The following TEX9 variants were observed in gnomAD, a reference collection of about 807,000 sequenced individuals.
TEX9 encodes testis-expressed protein 9.
A neutral mutation model predicts 59.6 loss-of-function variants in TEX9; 74 were observed. The ratio of observed to expected loss-of-function variants is 1.24; its 90% CI spans 1.03 to 1.51. The LOEUF (loss-of-function observed/expected upper bound fraction) is 1.51. TEX9 is among the 40% of genes most tolerant of loss of function. TEX9 has a pLI of 0.00. For synonymous variants in TEX9, 186 were observed against 152.2 expected, an observed-to-expected ratio of 1.22 and a Z score of -1.64; for missense variants, 522 against 447.8, an observed-to-expected ratio of 1.17 and a Z score of -1.49.
At chr15:56,393,702 G>T (rs1202541461) in intron 7 of TEX9, 1 of 152,994 alleles carries the variant, frequency 6.5e-6, no homozygotes. Flanking sequence ...AGACAGTAAG[G>T]TATTAGTGTA....
At chr15:56,404,754 T>G (rs924475697) in intron 9 of TEX9, among the ~76,000 whole-genome samples, 1 of 152,200 alleles carries the variant, frequency 6.6e-6, no homozygotes, top group African/African-American at 2.4e-5. Context: ...AATGATAGAC[T>G]GGATTAAGAA....
chr15:56,380,156 G>C (rs2047658858), intron 3 of TEX9, among the ~76,000 whole-genome samples: 1 of 151,964 alleles, frequency 6.6e-6, no homozygotes, highest in African/African-American at 2.4e-5. Flanking sequence ...TTAATTTCCT[G>C]ATTTTTATTT....
intron 1 of TEX9, among the ~76,000 whole-genome samples, chr15:56,311,125 C>CT (rs1313775992): frequency 1.0e-3 from 57 of 56,706 alleles, no homozygotes; most frequent in African/African-American, 2.7e-3. Context: ...CTCCTTATTT[C>CT]TTTTTTTTTT....
At chr15:56,439,751 TAA>T (rs374476223) in intron 12 of TEX9, among the ~76,000 whole-genome samples, 32 of 82,536 alleles carry the variant, frequency 3.9e-4, no homozygotes, top group African/African-American at 1.3e-3. Flanking sequence ...TGGAAAAGCA[TAA>T]AAAAAAAAAA....
At chr15:56,407,221 T>A (rs1412314042) in intron 9 of TEX9, among the ~76,000 whole-genome samples, 1 of 152,138 alleles carries the variant, frequency 6.6e-6, no homozygotes, top group Non-Finnish European at 1.5e-5. Context: ...TTGCTTACCA[T>A]GGCACCAGTG....
intron 1 of TEX9, among the ~76,000 whole-genome samples, chr15:56,350,465 T>C (rs2046555949): frequency 6.6e-6 from 1 of 152,172 alleles, no homozygotes; most frequent in Non-Finnish European, 1.5e-5. Flanking sequence ...TTGTGTTGAG[T>C]AGGCACTAGT....
intron 10 of TEX9, among the ~76,000 whole-genome samples, chr15:56,415,542 G>A (rs1330852906): frequency 2.6e-5 from 4 of 151,894 alleles, no homozygotes; most frequent in African/African-American, 7.3e-5. Context: ...GGTTGTAGAT[G>A]TGCGGCCTTA....
chr15:56,260,953 T>A (rs1160724127), intron 1 of TEX9, among the ~76,000 whole-genome samples: 1 of 152,038 alleles, frequency 6.6e-6, no homozygotes, highest in African/African-American at 2.4e-5. Flanking sequence ...TTTTCTTTTA[T>A]CAGTTTAGAT....
chr15:56,340,074 C>T (rs751265386), intron 1 of TEX9, among the ~76,000 whole-genome samples: 1 of 152,094 alleles, frequency 6.6e-6, no homozygotes, highest in Non-Finnish European at 1.5e-5. Flanking sequence ...GTATCATTGA[C>T]GTCTTCAAGT....
chr15:56,261,024 T>G (rs1189185141), intron 1 of TEX9, among the ~76,000 whole-genome samples: 1 of 151,936 alleles, frequency 6.6e-6, no homozygotes, highest in Non-Finnish European at 1.5e-5. Flanking sequence ...TATATAAAAT[T>G]ATTCAAAATA....
At chr15:56,451,887 T>C in the TEX9 span, among the ~76,000 whole-genome samples, 5 of 152,350 alleles carry the variant, frequency 3.3e-5, no homozygotes, top group South Asian at 1.0e-3. Context: ...GATTTTTTTT[T>C]ATTACTTACG....
At chr15:56,275,372 A>G (rs773430464) in intron 1 of TEX9, among the ~76,000 whole-genome samples, 2 of 152,192 alleles carry the variant, frequency 1.3e-5, no homozygotes, top group Non-Finnish European at 2.9e-5. Flanking sequence ...TCTAAGGCTC[A>G]TCTTCATTGG....
chr15:56,306,280 G>GAAAAAAAAAAAAAAA (rs2045484308), intron 1 of TEX9, among the ~76,000 whole-genome samples: 4 of 72,012 alleles, frequency 5.6e-5, no homozygotes, highest in Non-Finnish European at 9.7e-5. Flanking sequence ...AAAAAAAAAG[G>GAAAAAAAAAAAAAAA]AAATCAGTGT....
At chr15:56,391,324 A>G (rs1456485439) in exon 7 of TEX9, 1 of 1,606,300 alleles carries the variant, frequency 6.2e-7, no homozygotes, top group South Asian at 1.1e-5. Flanking sequence ...CCCTTGCAAA[A>G]ACAATTAGCA....
chr15:56,358,335 A>G (rs1193563877), intron 1 of TEX9, among the ~76,000 whole-genome samples: 1 of 145,482 alleles, frequency 6.9e-6, no homozygotes, highest in Non-Finnish European at 1.5e-5. Context: ...TAATGCATAG[A>G]TAAGTTTTTT....
chr15:56,406,490 A>C (rs930288433), intron 9 of TEX9, among the ~76,000 whole-genome samples: 1 of 152,180 alleles, frequency 6.6e-6, no homozygotes, highest in Non-Finnish European at 1.5e-5. Context: ...AATTTTATGG[A>C]AAGTGTATGC....
chr15:56,318,382 A>G (rs529716270), intron 1 of TEX9, among the ~76,000 whole-genome samples: 1 of 152,054 alleles, frequency 6.6e-6, no homozygotes, highest in East Asian at 1.9e-4. Flanking sequence ...CTTTCAACCT[A>G]TTTGTACATT....
At chr15:56,428,889 A>T in intron 12 of TEX9, 1 of 500,778 alleles carries the variant, frequency 2.0e-6, no homozygotes, top group South Asian at 2.7e-5. Context: ...GTGTTGTAGA[A>T]ATCGGATTTT....
At chr15:56,257,706 A>G (rs1413114355) in intron 1 of TEX9, among the ~76,000 whole-genome samples, 1 of 152,068 alleles carries the variant, frequency 6.6e-6, no homozygotes, top group African/African-American at 2.4e-5. Flanking sequence ...TGTTAGATGC[A>G]TAGAATGCAA....
Sources: allele counts gnomAD v4.1 joint callset (sites outside exome capture counted in the v4.1 genomes callset), GRCh38; gene constraint gnomAD v4.1.1; transcripts MANE v1.5; gene names NCBI Gene and HGNC (gene_info 2026-07-23, HGNC 2026-07-21).